PKD2L1: variants seen among roughly 807,000 people sequenced by gnomAD.
PKD2L1 encodes polycystin-2-like protein 1.
PKD2L1 carries 77 observed loss-of-function variants against 93.0 expected under a neutral mutation model. That is an observed-to-expected ratio of 0.83 (90% CI 0.69 to 1.00). PKD2L1 has a LOEUF of 1.00. PKD2L1 is among the 50% of genes least tolerant of loss of function. The pLI, the probability that PKD2L1 is intolerant of heterozygous loss-of-function variation, is 0.00. For missense variants in PKD2L1, 977 were observed against 990.9 expected (o/e 0.99, Z 0.19); for synonymous variants, 390 against 388.0 (o/e 1.01, Z -0.06).
In PKD2L1 at chr10:100,312,541, G is replaced by C. The variant is rs116108471; in HGVS notation, c.350-12823C>G. Reference sequence around the variant, plus strand: ...AGACCTATAGATACTTGTCCATGCTGAATCAATATAATAGAGTCTCTCAGC... The same window carrying C: ...AGACCTATAGATACTTGTCCATGCTCAATCAATATAATAGAGTCTCTCAGC... On this transcript the variant is annotated intron_variant, in intron 2 of 15. Transcript: ENST00000318222. Among the ~76,000 whole-genome samples, 875 of 152,266 alleles carry C rather than the reference G, an allele frequency of 5.7e-3. 12 individuals are homozygous for C. Among genetic ancestry groups the C allele is most frequent in the African/African-American group, 0.019 (803 of 41,542 alleles).
intron 8 of PKD2L1, 103 bp from the exon 9 acceptor site, chr10:100,294,758 A>C: frequency 6.6e-7 from 1 of 1,504,604 alleles, no homozygotes; most frequent in Non-Finnish European, 9.2e-7. Flanking sequence ...CCCCAATCTG[A>C]TAGACACAGG....
intron 2 of PKD2L1, among the ~76,000 whole-genome samples, chr10:100,320,917 C>T (rs1278655995): frequency 6.6e-6 from 1 of 152,122 alleles, no homozygotes; most frequent in African/African-American, 2.4e-5. Context: ...CTCTCCTTAT[C>T]AATTCCCAAG....
At chr10:100,302,015 A>G (rs1226250752) in intron 2 of PKD2L1, among the ~76,000 whole-genome samples, 1 of 152,108 alleles carries the variant, frequency 6.6e-6, no homozygotes, top group African/African-American at 2.4e-5. Context: ...TTGTATTTTT[A>G]GTAGAGATGG....
chr10:100,293,463 C>G (rs1278946963), intron 9 of PKD2L1, 84 bp from the exon 10 acceptor site: 1 of 881,606 alleles, frequency 1.1e-6, no homozygotes, highest in East Asian at 2.4e-5. Flanking sequence ...ATGTCCAAGA[C>G]ACGTGTTCCA....
chr10:100,319,815 G>T (rs1849187933), intron 2 of PKD2L1, among the ~76,000 whole-genome samples: 2 of 152,200 alleles, frequency 1.3e-5, no homozygotes, highest in Non-Finnish European at 2.9e-5. Flanking sequence ...CTGGCTTAGA[G>T]CCTCTCCTAT....
intron 2 of PKD2L1, among the ~76,000 whole-genome samples, chr10:100,301,382 G>T (rs1296326561): frequency 6.6e-6 from 1 of 152,114 alleles, no homozygotes; most frequent in Non-Finnish European, 1.5e-5. Flanking sequence ...GGCACTGCAG[G>T]TGGCCAGGGC....
At chr10:100,302,272 C>CAT (rs780848798) in intron 2 of PKD2L1, among the ~76,000 whole-genome samples, 7,999 of 131,476 alleles carry the variant, frequency 0.061, 699 homozygotes, top group African/African-American at 0.2. Flanking sequence ...CACACACACA[C>CAT]ACACACACAT....
chr10:100,294,775 T>A, intron 8 of PKD2L1, 120 bp from the exon 9 acceptor site: 1 of 1,444,568 alleles, frequency 6.9e-7, no homozygotes. Context: ...CAGGGCAGGG[T>A]GCTTAGATTA....
chr10:100,321,671 GAA>G (rs1201554750), intron 2 of PKD2L1, among the ~76,000 whole-genome samples: 57 of 790 alleles, frequency 0.072, 1 homozygote, highest in African/African-American at 0.15. Flanking sequence ...AGAAAAGAAA[GAA>G]AGAAAGAAAG....
chr10:100,307,432 AGGATCACTTGAGCCCG>A (rs1324957101), intron 2 of PKD2L1, among the ~76,000 whole-genome samples: 5 of 152,330 alleles, frequency 3.3e-5, no homozygotes, highest in Admixed American at 2.0e-4. Flanking sequence ...CCAAGGCTTG[AGGATCACTTGAGCCCG>A]GGAATTCATA....
chr10:100,288,516 C>T (rs1372664257), intron 15 of PKD2L1, 38 bp from the exon 16 acceptor site: 1 of 1,241,166 alleles, frequency 8.1e-7, no homozygotes, highest in Non-Finnish European at 1.2e-6. Flanking sequence ...GTGCTAGCAA[C>T]AAATCTTGGG....
chr10:100,323,422 C>T (rs1223290244), intron 2 of PKD2L1, among the ~76,000 whole-genome samples: 1 of 152,066 alleles, frequency 6.6e-6, no homozygotes, highest in African/African-American at 2.4e-5. Flanking sequence ...GAGCGTGCCA[C>T]CACACGCGAC....
intron 7 of PKD2L1, 21 bp downstream of exon 7, chr10:100,296,101 G>T: frequency 5.7e-6 from 9 of 1,590,968 alleles, no homozygotes; most frequent in Non-Finnish European, 7.7e-6. Flanking sequence ...AAGCAAAGCT[G>T]GGTGTGGGAA....
chr10:100,304,445 C>T (rs1259869455), intron 2 of PKD2L1, among the ~76,000 whole-genome samples: 1 of 152,178 alleles, frequency 6.6e-6, no homozygotes, highest in Non-Finnish European at 1.5e-5. Context: ...TCAAATTCTA[C>T]AATGTATAAA....
At chr10:100,309,432 G>GT (rs1215112034) in intron 2 of PKD2L1, among the ~76,000 whole-genome samples, 4 of 152,008 alleles carry the variant, frequency 2.6e-5, no homozygotes, top group African/African-American at 9.7e-5. Flanking sequence ...ATGTTTCCAA[G>GT]TTATAGGCTG....
intron 2 of PKD2L1, among the ~76,000 whole-genome samples, chr10:100,302,256 TACACACACACACACACACACACAC>T (rs56239118): frequency 1.4e-5 from 2 of 147,020 alleles, no homozygotes; most frequent in Non-Finnish European, 3.0e-5. Context: ...CACACACGCA[TACACACACACACACACACACACAC>T]ATATCAATTA....
chr10:100,298,800 G>A lies in PKD2L1; in HGVS notation c.493C>T (p.Leu165=). The A allele has an allele frequency of 6.2e-7, 1 of 1,612,640 alleles. No individual in the cohort carries two copies. Among genetic ancestry groups the A allele is most frequent in the Non-Finnish European group, 8.5e-7 (1 of 1,179,672 alleles). The change falls in exon 4 of 16, where the codon CTA becomes TTA. Residue 165 remains leucine, a synonymous_variant. Transcript: ENST00000318222. ...ADFWDFAQGP[L]LDSLYWTKWY... is the part of the protein sequence containing the mutation. ...TTGGTCCAATACAAACTGTCCAGTA[G>A]TGGGCCCTGGGCAAACTGAACCACA... is the stretch of plus-strand genomic sequence containing the variant.
intron 15 of PKD2L1, 125 bp from the exon 16 acceptor site, chr10:100,288,603 C>T: frequency 7.4e-6 from 5 of 672,880 alleles, no homozygotes; most frequent in Non-Finnish European, 1.3e-5. Context: ...TGGTTTCTAC[C>T]TTTTTCACAG....
intron 2 of PKD2L1, among the ~76,000 whole-genome samples, chr10:100,306,251 G>A (rs1427746734): frequency 6.6e-6 from 1 of 152,220 alleles, no homozygotes; most frequent in Non-Finnish European, 1.5e-5. Flanking sequence ...CACACTTTGA[G>A]AACTGCTGCC....
Sources: gnomAD v4.1 joint callset for allele counts (sites outside exome capture counted in the v4.1 genomes callset) on GRCh38, gnomAD v4.1.1 for gene constraint, MANE v1.5 for transcripts, NCBI Gene and HGNC (gene_info 2026-07-23, HGNC 2026-07-21) for gene names.